The following RNLS variants were observed in gnomAD, a reference collection of about 807,000 sequenced individuals.
RNLS encodes renalase, FAD dependent amine oxidase.
In RNLS, 39 loss-of-function variants were observed where a neutral mutation model predicts 39.8. The observed-to-expected ratio is 0.98, with a 90% CI of 0.76 to 1.28. The LOEUF (loss-of-function observed/expected upper bound fraction) is 1.28. Among genes scored for constraint, RNLS ranks in the 50% most tolerant of loss-of-function variants. The pLI, the probability that RNLS is intolerant of heterozygous loss-of-function variation, is 0.00. For missense variants in RNLS, 410 were observed against 413.3 expected, an observed-to-expected ratio of 0.99 and a Z score of 0.07; for synonymous variants, 147 against 150.7, an observed-to-expected ratio of 0.98 and a Z score of 0.18.
chr10:88,469,941 A>G (rs1265091668), intron 4 of RNLS, among the ~76,000 whole-genome samples: 2 of 151,562 alleles, frequency 1.3e-5, no homozygotes, highest in East Asian at 1.9e-4. Context: ...GTATATGTAT[A>G]TAGTATCTTA....
chr10:88,432,995 T>C (rs1855225686), intron 4 of RNLS, among the ~76,000 whole-genome samples: 1 of 152,020 alleles, frequency 6.6e-6, no homozygotes, highest in Non-Finnish European at 1.5e-5. Flanking sequence ...GTATTAAACA[T>C]TAGACATTGT....
At chr10:88,348,722 T>C (rs929839343) in intron 5 of RNLS, among the ~76,000 whole-genome samples, 1 of 152,194 alleles carries the variant, frequency 6.6e-6, no homozygotes, top group Non-Finnish European at 1.5e-5. Context: ...AGTTTCTGAT[T>C]TATTCATGGA....
rs532462360 is a variant in RNLS at position 88,554,885 on chromosome 10, A to G, written c.526+18018T>C. Among the ~76,000 whole-genome samples the G allele has an allele frequency of 2.0e-5, 3 of 152,274 alleles. No homozygotes were observed. In the East Asian group the frequency reaches 5.8e-4, roughly 29 times the overall value. On this transcript the variant is annotated intron_variant, in intron 4 of 6. Coordinates refer to ENST00000331772, the MANE Select transcript of RNLS (RefSeq NM_001031709.3). ...TTAAAAATACAATACAATACAATAAAAACTTGATCCAACCTCATCTTCTAA... is the reference window on the plus strand; with the variant it reads ...TTAAAAATACAATACAATACAATAAGAACTTGATCCAACCTCATCTTCTAA...
chr10:88,309,375 A>G, intron 6 of RNLS: 1 of 1,276,592 alleles, frequency 7.8e-7, no homozygotes, highest in Non-Finnish European at 1.0e-6. Flanking sequence ...GAAATTAGAC[A>G]CTATTACTCA....
chr10:88,538,241 A>C (rs1160809091), intron 4 of RNLS, among the ~76,000 whole-genome samples: 2 of 152,200 alleles, frequency 1.3e-5, no homozygotes, highest in South Asian at 2.1e-4. Context: ...TGGCATGCAC[A>C]TAAGGGAAGA....
At chr10:88,304,251 T>A (rs1844753837) in intron 6 of RNLS, among the ~76,000 whole-genome samples, 1 of 152,162 alleles carries the variant, frequency 6.6e-6, no homozygotes, top group African/African-American at 2.4e-5. Context: ...TGAGAAGGAA[T>A]CAGTGCAAGA....
intron 4 of RNLS, among the ~76,000 whole-genome samples, chr10:88,453,719 T>C (rs962335547): frequency 1.8e-4 from 28 of 152,244 alleles, no homozygotes; most frequent in Non-Finnish European, 7.3e-5. Flanking sequence ...ACAAAGCTGT[T>C]AACTAGCATT....
rs1324854983 is a variant in RNLS, at chr10:88,582,270, A to T, written c.156T>A (p.Pro52=). The change falls in exon 2 of 7, where the codon CCT becomes CCA. Residue 52 remains proline, a synonymous_variant. Transcript: ENST00000331772. ...RMTTACSPHN[P]QCTADLGAQY... ...GAGCACCCAAGTCAGCTGTGCACTGAGGATTATGAGGACTGCAGGCTGTAG... is the reference window on the plus strand; with the variant it reads ...GAGCACCCAAGTCAGCTGTGCACTGTGGATTATGAGGACTGCAGGCTGTAG... The T allele has an allele frequency of 3.7e-6, 6 of 1,613,964 alleles. No individual in the cohort carries two copies. Among genetic ancestry groups the T allele is most frequent in the Non-Finnish European group, 4.2e-6 (5 of 1,179,982 alleles).
At chr10:88,218,434 T>C in the RNLS span, among the ~76,000 whole-genome samples, 1 of 152,244 alleles carries the variant, frequency 6.6e-6, no homozygotes, top group Non-Finnish European at 1.5e-5. Context: ...AAGCACACTT[T>C]CCTGGGGTTT....
intron 4 of RNLS, among the ~76,000 whole-genome samples, chr10:88,484,929 T>A (rs1270281538): frequency 6.6e-6 from 1 of 152,006 alleles, no homozygotes; most frequent in Admixed American, 6.6e-5. Flanking sequence ...TGTTTGTTTG[T>A]TTGTTTCAGT....
chr10:88,442,778 T>C (rs558309390), intron 4 of RNLS, among the ~76,000 whole-genome samples: 1 of 152,298 alleles, frequency 6.6e-6, no homozygotes, highest in South Asian at 2.1e-4. Flanking sequence ...TGATTGATCA[T>C]CTTGCCCACA....
intron 5 of RNLS, among the ~76,000 whole-genome samples, chr10:88,353,179 G>T (rs1564721897): frequency 6.6e-6 from 1 of 152,094 alleles, no homozygotes; most frequent in Non-Finnish European, 1.5e-5. Flanking sequence ...TTTTTGAAGG[G>T]TTTTAATAAC....
intron 4 of RNLS, among the ~76,000 whole-genome samples, chr10:88,420,240 G>C (rs1416781136): frequency 6.6e-6 from 1 of 151,880 alleles, no homozygotes; most frequent in Non-Finnish European, 1.5e-5. Context: ...ATCATGTAAA[G>C]ACTAGATCTT....
chr10:88,400,752 G>A (rs907917745), intron 4 of RNLS, among the ~76,000 whole-genome samples: 1 of 151,816 alleles, frequency 6.6e-6, no homozygotes, highest in African/African-American at 2.4e-5. Context: ...CCAAGCATCA[G>A]GAACAGGCAT....
chr10:88,251,674 G>A, the RNLS span, among the ~76,000 whole-genome samples: 1 of 152,182 alleles, frequency 6.6e-6, no homozygotes, highest in African/African-American at 2.4e-5. Context: ...ACACTACCAC[G>A]TGCATACACA....
At chr10:88,367,049 C>A (rs1014247180) in intron 4 of RNLS, among the ~76,000 whole-genome samples, 9 of 151,780 alleles carry the variant, frequency 5.9e-5, no homozygotes, top group Non-Finnish European at 1.0e-4. Context: ...TACATGCACA[C>A]AATATATGTA....
At chr10:88,420,059 TGAATG>T (rs1854310640) in intron 4 of RNLS, among the ~76,000 whole-genome samples, 1 of 40,566 alleles carries the variant, frequency 2.5e-5, no homozygotes, top group South Asian at 1.0e-3. Flanking sequence ...AATAAATAAA[TGAATG>T]AATAAATAAA....
the RNLS span, among the ~76,000 whole-genome samples, chr10:88,190,673 C>A: frequency 6.6e-6 from 1 of 152,192 alleles, no homozygotes; most frequent in African/African-American, 2.4e-5. Context: ...ATGCTATAAG[C>A]GCTTTATGGC....
At chr10:88,388,840 A>G (rs996040077) in intron 4 of RNLS, among the ~76,000 whole-genome samples, 1 of 152,194 alleles carries the variant, frequency 6.6e-6, no homozygotes, top group Non-Finnish European at 1.5e-5. Context: ...GTATCCCCAG[A>G]GCTTACAACG....
Sources: allele counts gnomAD v4.1 joint callset (sites outside exome capture counted in the v4.1 genomes callset), GRCh38; gene constraint gnomAD v4.1.1; transcripts MANE v1.5; gene names NCBI Gene and HGNC (gene_info 2026-07-23, HGNC 2026-07-21).